Variants in TMEM165 observed in about 807,000 individuals in gnomAD.
The protein encoded by TMEM165 is transmembrane protein 165.
In TMEM165, 19 loss-of-function variants were observed where a neutral mutation model predicts 30.0. The observed-to-expected ratio is 0.63, with a 90% CI of 0.44 to 0.93. TMEM165 has a LOEUF of 0.93. Among genes scored for constraint, TMEM165 ranks in the 40% least tolerant of loss-of-function variants. The pLI, the probability that TMEM165 is intolerant of heterozygous loss-of-function variation, is 0.00. For missense variants in TMEM165, 340 were observed against 417.0 expected (o/e 0.82, Z 1.61); for synonymous variants, 168 against 162.9 (o/e 1.03, Z -0.24).
chr4:55,425,464 T>C lies in TMEM165; in HGVS notation c.*12T>C. ...ATTCTGGTTTTTAACAAGCTGTTTGTTCATCTATATTTAGTTTAAAATAGG... is the reference window on the plus strand; with the variant it reads ...ATTCTGGTTTTTAACAAGCTGTTTGCTCATCTATATTTAGTTTAAAATAGG... On this transcript the variant is annotated 3_prime_UTR_variant, in exon 6 of 6. Coordinates refer to ENST00000381334, the MANE Select transcript of TMEM165 (RefSeq NM_018475.5). 1 of 1,595,730 alleles carries C rather than the reference T, an allele frequency of 6.3e-7. No individual in the cohort carries two copies. The highest frequency in any genetic ancestry group is 8.6e-7 in the Non-Finnish European group (1 of 1,163,952).
chr4:55,409,347 G>GTAA (rs1721391884), intron 1 of TMEM165, among the ~76,000 whole-genome samples: 2 of 151,992 alleles, frequency 1.3e-5, no homozygotes, highest in Admixed American at 1.3e-4. Flanking sequence ...CTGTGACTAG[G>GTAA]GCCTTTGTAA....
At chr4:55,443,969 A>G in intron 3 of TMEM165, 1 of 1,341,904 alleles carries the variant, frequency 7.5e-7, no homozygotes. Flanking sequence ...AAAGAAGGCA[A>G]AATCAAGCTA....
intron 1 of TMEM165, among the ~76,000 whole-genome samples, chr4:55,400,243 A>ATAT (rs549762657): frequency 0.53 from 22,628 of 42,476 alleles, 3,618 homozygotes; most frequent in African/African-American, 0.64. Flanking sequence ...AATGTAATTA[A>ATAT]TATTATATTA....
chr4:55,424,403 T>C, intron 4 of TMEM165, 135 bp from the exon 5 acceptor site: 1 of 608,266 alleles, frequency 1.6e-6, no homozygotes, highest in Admixed American at 3.1e-5. Flanking sequence ...CATAAATTTA[T>C]TATACACCTG....
At chr4:55,412,176 C>G (rs547736207) in intron 2 of TMEM165, 1 of 327,498 alleles carries the variant, frequency 3.1e-6, no homozygotes, top group South Asian at 2.8e-5. Flanking sequence ...GGACAGATCA[C>G]GAGGTCAGGA....
At chr4:55,445,021 G>A (rs1192775439) in intron 3 of TMEM165, among the ~76,000 whole-genome samples, 1 of 152,178 alleles carries the variant, frequency 6.6e-6, no homozygotes, top group Non-Finnish European at 1.5e-5. Context: ...TCAGTAGGTG[G>A]TGCTGGAGGG....
At chr4:55,449,417 T>C in intron 3 of TMEM165, 1 of 1,613,950 alleles carries the variant, frequency 6.2e-7, no homozygotes, top group Non-Finnish European at 8.5e-7. Flanking sequence ...ATGATGACCT[T>C]CTTTGCACCA....
chr4:55,408,229 C>T (rs962949889), intron 1 of TMEM165, among the ~76,000 whole-genome samples: 2 of 152,196 alleles, frequency 1.3e-5, no homozygotes, highest in Admixed American at 6.5e-5. Context: ...CCAGGACCAG[C>T]TTAGTATGTA....
chr4:55,440,032 A>AT (rs1723226893), intron 3 of TMEM165, among the ~76,000 whole-genome samples: 2 of 152,152 alleles, frequency 1.3e-5, no homozygotes, highest in Admixed American at 6.5e-5. Context: ...TTTTTAATCT[A>AT]TAAAAAAAAA....
At chr4:55,429,015 A>G (rs1722357007), downstream of TMEM165, 1 of 140,398 alleles carries the variant, frequency 7.1e-6, no homozygotes, top group African/African-American at 2.6e-5. Flanking sequence ...TTCCTGGCCA[A>G]TTTTTTTGCT....
intron 1 of TMEM165, among the ~76,000 whole-genome samples, chr4:55,410,624 C>T (rs1721451095): frequency 6.6e-6 from 1 of 152,184 alleles, no homozygotes; most frequent in Non-Finnish European, 1.5e-5. Flanking sequence ...GTGTTAACAG[C>T]TGTATTAAAC....
chr4:55,426,978 C>T (rs1397844690), downstream of TMEM165, among the ~76,000 whole-genome samples: 1 of 151,364 alleles, frequency 6.6e-6, no homozygotes, highest in Admixed American at 6.6e-5. Context: ...GTTAGACAGT[C>T]TATATTGCCT....
At chr4:55,424,397 AATTT>A in intron 4 of TMEM165, 137 bp from the exon 5 acceptor site, 1 of 598,816 alleles carries the variant, frequency 1.7e-6, no homozygotes, top group Non-Finnish European at 3.0e-6. Flanking sequence ...ACCTCTCATA[AATTT>A]ATTATACACC....
At chr4:55,427,545 A>G (rs1420804174), downstream of TMEM165, among the ~76,000 whole-genome samples, 2 of 151,054 alleles carry the variant, frequency 1.3e-5, no homozygotes, top group Non-Finnish European at 2.9e-5. Context: ...GGGTTTTACC[A>G]TGTTGGCCAG....
chr4:55,428,606 G>A (rs888084834), downstream of TMEM165: 5 of 152,026 alleles, frequency 3.3e-5, no homozygotes, highest in South Asian at 4.2e-4. Flanking sequence ...TAGCTCCACC[G>A]TTTTGGAAGT....
intron 1 of TMEM165, among the ~76,000 whole-genome samples, chr4:55,407,229 T>A (rs1358135786): frequency 3.3e-5 from 5 of 151,118 alleles, no homozygotes; most frequent in Middle Eastern, 3.4e-3. Flanking sequence ...GAAAAGGAGG[T>A]GGGAAGGGAA....
intron 4 of TMEM165, among the ~76,000 whole-genome samples, chr4:55,420,127 A>ATT (rs1721910063): frequency 6.4e-5 from 3 of 46,774 alleles, no homozygotes; most frequent in African/African-American, 1.9e-4. Context: ...ATATACATAT[A>ATT]TATTTATTTA....
intron 3 of TMEM165, chr4:55,435,071 A>G (rs751339273): frequency 2.9e-6 from 1 of 342,624 alleles, no homozygotes; most frequent in Non-Finnish European, 5.7e-6. Flanking sequence ...AACCACTAAA[A>G]GTTACTAACA....
intron 5 of TMEM165, 67 bp downstream of exon 5, chr4:55,424,710 T>G: frequency 1.9e-6 from 2 of 1,071,846 alleles, no homozygotes; most frequent in Non-Finnish European, 2.9e-6. Flanking sequence ...GGTGTTAGCT[T>G]TGATTATTTA....
Sources: allele counts gnomAD v4.1 joint callset (sites outside exome capture counted in the v4.1 genomes callset), GRCh38; gene constraint gnomAD v4.1.1; transcripts MANE v1.5; gene names NCBI Gene and HGNC (gene_info 2026-07-23, HGNC 2026-07-21).